RBFOX1: variants seen among roughly 807,000 people sequenced by gnomAD.
The protein encoded by RBFOX1 is RNA binding fox-1 homolog 1, also known as RNA binding protein fox-1 homolog 1.
RBFOX1 carries 8 observed loss-of-function variants against 57.7 expected under a neutral mutation model. That is an observed-to-expected ratio of 0.14 (90% CI 0.08 to 0.25). The LOEUF (loss-of-function observed/expected upper bound fraction) is 0.25. Ranked by LOEUF, RBFOX1 falls within the 10% of genes least tolerant of loss-of-function variation. RBFOX1 has a pLI of 1.00. For synonymous variants in RBFOX1, 326 were observed against 222.4 expected (o/e 1.47, Z -4.15); for missense variants, 611 against 548.5 (o/e 1.11, Z -1.14).
chr16:5,673,859 C>T (rs945283694), intron 3 of RBFOX1, among the ~76,000 whole-genome samples: 1 of 152,220 alleles, frequency 6.6e-6, no homozygotes, highest in African/African-American at 2.4e-5. Context: ...CCCAGCTTAG[C>T]ATTTTGCCTG....
At chr16:6,056,115 G>T in intron 1 of RBFOX1, among the ~76,000 whole-genome samples, 1 of 152,096 alleles carries the variant, frequency 6.6e-6, no homozygotes, top group East Asian at 1.9e-4. Context: ...AGTATAAACG[G>T]CGGGAAAATA....
chr16:6,705,499 C>G (rs971625680), intron 3 of RBFOX1: 1 of 152,168 alleles, frequency 6.6e-6, no homozygotes, highest in Non-Finnish European at 1.5e-5. Flanking sequence ...CCACAACCCC[C>G]CAGCAGCAAT....
intron 1 of RBFOX1, among the ~76,000 whole-genome samples, chr16:6,124,285 C>T (rs1394636163): frequency 5.3e-5 from 8 of 152,178 alleles, no homozygotes; most frequent in Admixed American, 1.3e-4. Flanking sequence ...TCTCCATGGG[C>T]ACCTGGGCCC....
intron 4 of RBFOX1, among the ~76,000 whole-genome samples, chr16:7,106,537 G>T (rs1254133394): frequency 1.3e-5 from 2 of 151,994 alleles, no homozygotes; most frequent in African/African-American, 4.8e-5. Context: ...GTTGCCTTTT[G>T]GCTTAAACAT....
chr16:5,935,092 C>G (rs1398139833), intron 4 of RBFOX1, among the ~76,000 whole-genome samples: 2 of 152,218 alleles, frequency 1.3e-5, no homozygotes, highest in African/African-American at 4.8e-5. Flanking sequence ...TCAGCCAACT[C>G]TTTTACTGAA....
At chr16:7,520,406 C>T (rs1029795334) in intron 5 of RBFOX1, among the ~76,000 whole-genome samples, 1 of 152,080 alleles carries the variant, frequency 6.6e-6, no homozygotes, top group Non-Finnish European at 1.5e-5. Flanking sequence ...AACCCCATAC[C>T]CACTAAGCAG....
intron 3 of RBFOX1, among the ~76,000 whole-genome samples, chr16:5,611,076 A>G (rs1034691774): frequency 6.6e-6 from 1 of 152,102 alleles, no homozygotes; most frequent in Non-Finnish European, 1.5e-5. Context: ...CTAGAGCATC[A>G]TCCACATCCT....
chr16:5,842,267 A>T (rs769721955), intron 3 of RBFOX1, among the ~76,000 whole-genome samples: 3 of 152,122 alleles, frequency 2.0e-5, no homozygotes, highest in Non-Finnish European at 2.9e-5. Context: ...GGAGATCATC[A>T]TATGAGAAGT....
chr16:5,375,085 CAAAAAAAAAAAA>C (rs576765968), intron 1 of RBFOX1, among the ~76,000 whole-genome samples: 4,383 of 37,318 alleles, frequency 0.12, 125 homozygotes, highest in Middle Eastern at 0.19. Flanking sequence ...TTTAAATGGC[CAAAAAAAAAAAA>C]AAAAAAAAAA....
intron 4 of RBFOX1, among the ~76,000 whole-genome samples, chr16:7,326,479 A>G (rs901771190): frequency 9.2e-5 from 14 of 152,152 alleles, no homozygotes; most frequent in Admixed American, 8.5e-4. Context: ...GAAGACAGAC[A>G]GAGCTGCCAT....
At chr16:7,217,048 C>CCTCCCTCTCT (rs2092214532) in intron 4 of RBFOX1, among the ~76,000 whole-genome samples, 1 of 110,654 alleles carries the variant, frequency 9.0e-6, no homozygotes, top group African/African-American at 4.2e-5. Context: ...TCCCTCCCTC[C>CCTCCCTCTCT]CTCCCTCTCT....
chr16:7,051,177 T>C (rs1361596868), intron 3 of RBFOX1, among the ~76,000 whole-genome samples: 1 of 152,200 alleles, frequency 6.6e-6, no homozygotes, highest in African/African-American at 2.4e-5. Flanking sequence ...ACCTAAATTT[T>C]ATTTCAGCTT....
intron 3 of RBFOX1, among the ~76,000 whole-genome samples, chr16:5,741,910 A>G (rs1398296652): frequency 6.6e-6 from 1 of 152,258 alleles, no homozygotes; most frequent in Non-Finnish European, 1.5e-5. Context: ...TAAATACTGC[A>G]TATGGTAGTT....
At chr16:5,298,563 C>CTCCCCTCCTT (rs2063729187) in intron 1 of RBFOX1, among the ~76,000 whole-genome samples, 1 of 14,482 alleles carries the variant, frequency 6.9e-5, no homozygotes, top group African/African-American at 5.1e-4. Context: ...CTCCCCTCCC[C>CTCCCCTCCTT]TCCCCTCCTT....
intron 3 of RBFOX1, among the ~76,000 whole-genome samples, chr16:5,636,099 G>T (rs1374001191): frequency 2.0e-5 from 3 of 152,034 alleles, no homozygotes; most frequent in African/African-American, 7.2e-5. Flanking sequence ...TGTAACCCCA[G>T]CACTTTGGGA....
At chr16:6,319,530 G>T in intron 2 of RBFOX1, among the ~76,000 whole-genome samples, 1 of 152,180 alleles carries the variant, frequency 6.6e-6, no homozygotes, top group Non-Finnish European at 1.5e-5. Flanking sequence ...ATTGGAGAAA[G>T]ATGGCATTGA....
chr16:5,510,117 G>A (rs994589799), intron 2 of RBFOX1, among the ~76,000 whole-genome samples: 18 of 152,232 alleles, frequency 1.2e-4, no homozygotes, highest in African/African-American at 4.1e-4. Flanking sequence ...GATGCAGGCT[G>A]AACCTACGAG....
At chr16:7,285,073 T>C (rs1336420724) in intron 4 of RBFOX1, among the ~76,000 whole-genome samples, 2 of 132,074 alleles carry the variant, frequency 1.5e-5, no homozygotes, top group South Asian at 2.5e-4. Context: ...ATAGATTCCT[T>C]ACTTTTTTTT....
intron 3 of RBFOX1, among the ~76,000 whole-genome samples, chr16:5,605,224 C>G (rs2047528030): frequency 6.6e-6 from 1 of 152,208 alleles, no homozygotes; most frequent in East Asian, 1.9e-4. Flanking sequence ...GATTTCATCT[C>G]TGATTCCACC....
Sources: gnomAD v4.1 joint callset for allele counts (sites outside exome capture counted in the v4.1 genomes callset) on GRCh38, gnomAD v4.1.1 for gene constraint, MANE v1.5 for transcripts, NCBI Gene and HGNC (gene_info 2026-07-23, HGNC 2026-07-21) for gene names.